LYN: variants seen among roughly 807,000 people sequenced by gnomAD.
LYN encodes the protein tyrosine-protein kinase Lyn.
In LYN, 12 loss-of-function variants were observed where a neutral mutation model predicts 65.0. The ratio of observed to expected loss-of-function variants is 0.18; its 90% CI spans 0.12 to 0.30. The LOEUF (loss-of-function observed/expected upper bound fraction) is 0.30. Ranked by LOEUF, LYN falls within the 10% of genes least tolerant of loss-of-function variation. The probability of loss-of-function intolerance (pLI) is 1.00; values close to 1 mark genes in which losing one functional copy is unlikely to be tolerated. For synonymous variants in LYN, 222 were observed against 221.2 expected (o/e 1.00, Z -0.03); for missense variants, 380 against 623.2 (o/e 0.61, Z 4.16).
At chr8:55,992,293 T>A (rs2719252) in intron 10 of LYN, among the ~76,000 whole-genome samples, 1 of 151,972 alleles carries the variant, frequency 6.6e-6, no homozygotes, top group African/African-American at 2.4e-5. Flanking sequence ...GGCCCAGAGC[T>A]GTGATAGAGA....
chr8:55,924,474 T>C (rs1806042032), intron 1 of LYN, among the ~76,000 whole-genome samples: 1 of 152,050 alleles, frequency 6.6e-6, no homozygotes, highest in Non-Finnish European at 1.5e-5. Flanking sequence ...GTAATTCTCC[T>C]GCCTCAGCCT....
chr8:55,981,046 C>G (rs1048424249), intron 10 of LYN, among the ~76,000 whole-genome samples: 1 of 152,102 alleles, frequency 6.6e-6, no homozygotes, highest in Non-Finnish European at 1.5e-5. Context: ...GGGTCCCCAC[C>G]ACACCCAGAG....
intron 9 of LYN, among the ~76,000 whole-genome samples, 172 bp from the exon 10 acceptor site, chr8:55,969,545 G>A (rs1202035998): frequency 6.6e-6 from 1 of 152,240 alleles, no homozygotes; most frequent in Admixed American, 6.5e-5. Context: ...TAACAGATTA[G>A]AGGGGACTGC....
At chr8:55,928,260 T>C (rs67222355) in intron 1 of LYN, among the ~76,000 whole-genome samples, 37,141 of 152,066 alleles carry the variant, frequency 0.24, 5,271 homozygotes, top group Middle Eastern at 0.4. Flanking sequence ...ATTCTCATGC[T>C]TCACCCTCTG....
intron 1 of LYN, among the ~76,000 whole-genome samples, chr8:55,916,320 C>T (rs1158497706): frequency 6.6e-6 from 1 of 152,182 alleles, no homozygotes; most frequent in East Asian, 1.9e-4. Context: ...CTGCAACTGA[C>T]AAGGCTGTTT....
At chr8:55,955,724 GTC>G (rs1035633347) in intron 8 of LYN, among the ~76,000 whole-genome samples, 1 of 152,056 alleles carries the variant, frequency 6.6e-6, no homozygotes, top group African/African-American at 2.4e-5. Flanking sequence ...CATTCTTTCT[GTC>G]TCTATGAATT....
intron 1 of LYN, among the ~76,000 whole-genome samples, chr8:55,909,024 C>T (rs879633025): frequency 0.75 from 52,520 of 70,334 alleles, 18,532 homozygotes; most frequent in East Asian, 0.95. Flanking sequence ...CACACACACA[C>T]ACACACACAC....
intron 1 of LYN, among the ~76,000 whole-genome samples, chr8:55,909,255 G>T (rs1487217680): frequency 6.6e-6 from 1 of 151,990 alleles, no homozygotes; most frequent in Non-Finnish European, 1.5e-5. Context: ...ATTTCCAGCT[G>T]CACCCTGTTT....
At chr8:56,001,405 G>C (rs1377838588) in intron 12 of LYN, among the ~76,000 whole-genome samples, 1 of 152,142 alleles carries the variant, frequency 6.6e-6, no homozygotes, top group Non-Finnish European at 1.5e-5. Context: ...TGCAAACCAG[G>C]GAAGGCTTTT....
intron 8 of LYN, among the ~76,000 whole-genome samples, chr8:55,960,136 A>C (rs1366234259): frequency 6.6e-6 from 1 of 152,208 alleles, no homozygotes. Flanking sequence ...CTGATGAACT[A>C]TATACTTTAA....
intron 10 of LYN, among the ~76,000 whole-genome samples, chr8:55,990,910 AG>A (rs1808228203): frequency 6.6e-6 from 1 of 152,208 alleles, no homozygotes; most frequent in African/African-American, 2.4e-5. Context: ...CTGGGGAAAA[AG>A]TTATTTGCAA....
At chr8:55,888,580 A>G (rs915942967) in intron 1 of LYN, among the ~76,000 whole-genome samples, 1 of 152,200 alleles carries the variant, frequency 6.6e-6, no homozygotes, top group Non-Finnish European at 1.5e-5. Flanking sequence ...CTACTTCTCT[A>G]GAGATTAATT....
rs114084212 is a variant in LYN at position 55,995,783 on chromosome 8, C to T, written c.1051-2563C>T. On this transcript the variant is annotated intron_variant, in intron 10 of 12. Coordinates refer to ENST00000519728, the MANE Select transcript of LYN (RefSeq NM_002350.4). ...AGGAGGTGGAGGGCTGAGCCGGGGC[C>T]GGGTCATACGGGGCCTTGGCAGCAG... Among the ~76,000 whole-genome samples, 1,241 of 152,176 alleles carry T rather than the reference C, an allele frequency of 8.2e-3. 21 individuals are homozygous for T. Among genetic ancestry groups the T allele is most frequent in the African/African-American group, 0.029 (1,190 of 41,512 alleles).
intron 2 of LYN, among the ~76,000 whole-genome samples, chr8:55,946,211 T>A (rs536748616): frequency 2.0e-4 from 30 of 152,312 alleles, no homozygotes; most frequent in African/African-American, 7.0e-4. Flanking sequence ...ACCTGGCACC[T>A]GCCCAGAACC....
chr8:55,911,071 A>G (rs1346449498), intron 1 of LYN, among the ~76,000 whole-genome samples: 1 of 47,916 alleles, frequency 2.1e-5, no homozygotes, highest in African/African-American at 1.2e-4. Context: ...TAATTTATAT[A>G]TATATACATA....
intron 9 of LYN, 86 bp from the exon 10 acceptor site, chr8:55,969,631 C>T (rs1311574981): frequency 1.0e-6 from 1 of 997,854 alleles, no homozygotes; most frequent in African/African-American, 1.6e-5. Context: ...GGGAGTTCCC[C>T]TGTAATAGTA....
chr8:55,960,291 C>T (rs1241900669), intron 8 of LYN, among the ~76,000 whole-genome samples: 2 of 152,098 alleles, frequency 1.3e-5, no homozygotes, highest in Admixed American at 1.3e-4. Flanking sequence ...ACATCACTAC[C>T]AGGATATTGG....
chr8:55,987,120 G>T (rs1435996782), intron 10 of LYN, among the ~76,000 whole-genome samples: 1 of 152,078 alleles, frequency 6.6e-6, no homozygotes, highest in Non-Finnish European at 1.5e-5. Context: ...AGAATAAAAA[G>T]AATCTTTTCT....
At chr8:55,977,605 T>C (rs1042143587) in intron 10 of LYN, among the ~76,000 whole-genome samples, 3 of 152,006 alleles carry the variant, frequency 2.0e-5, no homozygotes, top group African/African-American at 7.3e-5. Flanking sequence ...ATGGGAGAGT[T>C]TGTGTTCTAG....
Sources: gnomAD v4.1 joint callset for allele counts (sites outside exome capture counted in the v4.1 genomes callset) on GRCh38, gnomAD v4.1.1 for gene constraint, MANE v1.5 for transcripts, NCBI Gene and HGNC (gene_info 2026-07-23, HGNC 2026-07-21) for gene names.